The following FSTL5 variants were observed in gnomAD, a reference collection of about 807,000 sequenced individuals.
The protein encoded by FSTL5 is follistatin like 5.
A neutral mutation model predicts 89.1 loss-of-function variants in FSTL5; 62 were observed. That is an observed-to-expected ratio of 0.70 (90% CI 0.57 to 0.86). The LOEUF is 0.86. Among genes scored for constraint, FSTL5 ranks in the 40% least tolerant of loss-of-function variants. The pLI is 0.00. For missense variants in FSTL5, 1,057 were observed against 1,001.6 expected, an observed-to-expected ratio of 1.06 and a Z score of -0.75; for synonymous variants, 383 against 346.2, an observed-to-expected ratio of 1.11 and a Z score of -1.18.
At chr4:161,683,653 G>A (rs548761374) in intron 6 of FSTL5, among the ~76,000 whole-genome samples, 14 of 152,246 alleles carry the variant, frequency 9.2e-5, no homozygotes, top group African/African-American at 2.9e-4. Context: ...ATGTATGTGT[G>A]TGAGTATAAA....
chr4:161,733,115 A>G (rs1739673878), intron 6 of FSTL5, among the ~76,000 whole-genome samples: 1 of 151,910 alleles, frequency 6.6e-6, no homozygotes, highest in South Asian at 2.1e-4. Context: ...CTGTTTCCTG[A>G]ACATGATTTA....
chr4:161,484,994 A>G (rs1729630753), intron 12 of FSTL5, among the ~76,000 whole-genome samples: 12 of 152,068 alleles, frequency 7.9e-5, no homozygotes. Flanking sequence ...TTGGAAAAAA[A>G]TAAGAAAAAG....
intron 2 of FSTL5, among the ~76,000 whole-genome samples, chr4:162,091,358 C>A (rs1327174761): frequency 6.6e-6 from 1 of 152,072 alleles, no homozygotes; most frequent in African/African-American, 2.4e-5. Context: ...AATATCTAAA[C>A]CTCGGATAGG....
At chr4:161,655,779 G>A (rs886095624) in intron 7 of FSTL5, among the ~76,000 whole-genome samples, 3 of 151,866 alleles carry the variant, frequency 2.0e-5, no homozygotes, top group African/African-American at 7.3e-5. Context: ...TAAGATAATA[G>A]GATATTTTCA....
At chr4:161,757,765 C>A (rs1740629130) in intron 6 of FSTL5, among the ~76,000 whole-genome samples, 1 of 151,914 alleles carries the variant, frequency 6.6e-6, no homozygotes, top group South Asian at 2.1e-4. Flanking sequence ...ATTACAGGCG[C>A]CTGCCACCAA....
At chr4:161,706,460 TC>T (rs1738583384) in intron 6 of FSTL5, among the ~76,000 whole-genome samples, 1 of 152,050 alleles carries the variant, frequency 6.6e-6, no homozygotes, top group Non-Finnish European at 1.5e-5. Flanking sequence ...AATTATCCAC[TC>T]TTGCAGAAGT....
chr4:161,924,417 T>A (rs7698040), intron 3 of FSTL5, among the ~76,000 whole-genome samples: 95,483 of 150,450 alleles, frequency 0.63, 30,396 homozygotes, highest in Middle Eastern at 0.72. Context: ...AGCTGATACT[T>A]ATAGAGTGTA....
intron 3 of FSTL5, among the ~76,000 whole-genome samples, chr4:162,018,516 C>T (rs1460496050): frequency 2.0e-5 from 3 of 146,654 alleles, no homozygotes; most frequent in Non-Finnish European, 4.5e-5. Context: ...TAATAATTGT[C>T]AGATGCTTAC....
chr4:162,155,697 A>C (rs978041100), intron 1 of FSTL5, among the ~76,000 whole-genome samples: 3 of 152,226 alleles, frequency 2.0e-5, no homozygotes, highest in Non-Finnish European at 4.4e-5. Context: ...GACTGAATGC[A>C]GAAGAGTGGG....
chr4:161,734,126 AT>A (rs1228534822), intron 6 of FSTL5, among the ~76,000 whole-genome samples: 1 of 152,156 alleles, frequency 6.6e-6, no homozygotes, highest in African/African-American at 2.4e-5. Context: ...ATACAAAAGC[AT>A]TTTAATAGGA....
chr4:161,543,915 T>A (rs1731917566), intron 8 of FSTL5, among the ~76,000 whole-genome samples: 1 of 152,046 alleles, frequency 6.6e-6, no homozygotes, highest in Non-Finnish European at 1.5e-5. Context: ...TGTTAGATTT[T>A]GTAGTGCATC....
At chr4:161,461,300 AC>A (rs368790627) in intron 13 of FSTL5, among the ~76,000 whole-genome samples, 1,958 of 142,146 alleles carry the variant, frequency 0.014, 149 homozygotes, top group African/African-American at 0.045. Context: ...AAAAAAACAA[AC>A]AAACAAAAAA....
Position 161,823,519 on chromosome 4 carries a change from G to A in FSTL5, c.410-47445C>T, listed in dbSNP as rs146197131. On this transcript the variant is annotated intron_variant, in intron 4 of 15. Coordinates refer to ENST00000306100, the MANE Select transcript of FSTL5 (RefSeq NM_020116.5). ...TTGCTCCACACCAGAGCAGGTGCTG[G>A]CAATGGGGAGACACCAGATCTTGGG... 2.6e-5 allele frequency among the ~76,000 whole-genome samples: 4 copies of A among 152,292 alleles called. No individual in the cohort carries two copies. In the East Asian group the frequency reaches 7.8e-4, roughly 30 times the overall value.
intron 3 of FSTL5, among the ~76,000 whole-genome samples, chr4:161,993,244 TTCATAGA>T (rs1461355703): frequency 6.6e-6 from 1 of 151,876 alleles, no homozygotes; most frequent in Non-Finnish European, 1.5e-5. Flanking sequence ...TCAAAGGCCA[TTCATAGA>T]TCATGCTCCA....
chr4:161,588,516 C>T (rs1308158967), intron 7 of FSTL5, among the ~76,000 whole-genome samples: 2 of 151,976 alleles, frequency 1.3e-5, no homozygotes, highest in Non-Finnish European at 2.9e-5. Flanking sequence ...AAAAAACTTG[C>T]ACCGTTAAAA....
intron 4 of FSTL5, among the ~76,000 whole-genome samples, chr4:161,898,629 T>TA (rs1491521321): frequency 7.5e-6 from 1 of 132,974 alleles, no homozygotes; most frequent in East Asian, 2.1e-4. Flanking sequence ...TGTATTATAT[T>TA]CTTTTTTTTT....
At chr4:161,693,204 T>C (rs1220443659) in intron 6 of FSTL5, among the ~76,000 whole-genome samples, 2 of 152,252 alleles carry the variant, frequency 1.3e-5, no homozygotes, top group Non-Finnish European at 2.9e-5. Flanking sequence ...TTTGGTTAGC[T>C]ACCATTTTCT....
intron 2 of FSTL5, among the ~76,000 whole-genome samples, chr4:162,108,607 T>C (rs1260211757): frequency 6.6e-6 from 1 of 151,930 alleles, no homozygotes; most frequent in East Asian, 1.9e-4. Context: ...TACAAATATT[T>C]ACATTTTTGC....
At chr4:161,575,553 A>C (rs1733180797) in intron 8 of FSTL5, among the ~76,000 whole-genome samples, 1 of 151,946 alleles carries the variant, frequency 6.6e-6, no homozygotes, top group African/African-American at 2.4e-5. Flanking sequence ...CCCTGGATTC[A>C]AATGAATCTC....
Sources: allele counts gnomAD v4.1 joint callset (sites outside exome capture counted in the v4.1 genomes callset), GRCh38; gene constraint gnomAD v4.1.1; transcripts MANE v1.5; gene names NCBI Gene and HGNC (gene_info 2026-07-23, HGNC 2026-07-21).